NCOR2: variants seen among roughly 807,000 people sequenced by gnomAD.
NCOR2 encodes nuclear receptor corepressor 2.
A neutral mutation model predicts 262.9 loss-of-function variants in NCOR2; 81 were observed. That is an observed-to-expected ratio of 0.31 (90% CI 0.26 to 0.37). The LOEUF (loss-of-function observed/expected upper bound fraction) is 0.37. Ranked by LOEUF, NCOR2 falls within the 10% of genes least tolerant of loss-of-function variation. The probability of loss-of-function intolerance (pLI) is 1.00; values close to 1 mark genes in which losing one functional copy is unlikely to be tolerated. For synonymous variants in NCOR2, 1,659 were observed against 1,559.3 expected (o/e 1.06, Z -1.51); for missense variants, 3,385 against 3,621.4 (o/e 0.93, Z 1.68).
chr12:124,441,893 A>C (rs1378007634), intron 7 of NCOR2, among the ~76,000 whole-genome samples: 1 of 152,220 alleles, frequency 6.6e-6, no homozygotes, highest in Non-Finnish European at 1.5e-5. Context: ...AGGAGGAAAC[A>C]CCTGTCAAAG....
rs536463466 is a variant in NCOR2, at chr12:124,428,100, T to A, written c.1150-1300A>T. ...GTGTGTGTGTGTGTACATGCAACAA[T>A]CAGCCCAGGTGCCACACCCTTGGCC... On this transcript the variant is annotated intron_variant, in intron 10 of 46. Coordinates refer to ENST00000405201, the Ensembl canonical transcript of NCOR2. 4.7e-5 allele frequency among the ~76,000 whole-genome samples: 7 copies of A among 148,192 alleles called. No individual in the cohort carries two copies. In the South Asian group the frequency reaches 1.3e-3, roughly 28 times the overall value.
intron 1 of NCOR2, among the ~76,000 whole-genome samples, chr12:124,512,804 T>C (rs759134898): frequency 1.2e-4 from 18 of 152,178 alleles, no homozygotes; most frequent in Non-Finnish European, 2.4e-4. Flanking sequence ...CCGCTGGGTA[T>C]TGGCCTCCCT....
At chr12:124,391,075 C>T (rs1014919324) in intron 16 of NCOR2, among the ~76,000 whole-genome samples, 4 of 152,254 alleles carry the variant, frequency 2.6e-5, no homozygotes, top group African/African-American at 9.6e-5. Context: ...GACTCAGCCT[C>T]CTCGGCTCAG....
rs771757489 is a variant in NCOR2, at chr12:124,327,640, G to C, written c.6959-7C>G. ...CTTCTATAGGTCATAAGGCCTGGGA[G>C]AGAGAGACAGACAGACAGACAGACA... On this transcript the variant is annotated splice_region_variant and splice_polypyrimidine_tract_variant and intron_variant, in intron 44 of 46. Coordinates refer to ENST00000405201, the Ensembl canonical transcript of NCOR2. 3 of 1,599,362 alleles carry C rather than the reference G, an allele frequency of 1.9e-6. No homozygotes were observed. The highest frequency in any genetic ancestry group is 2.5e-6 in the Non-Finnish European group (3 of 1,176,838).
intron 16 of NCOR2, among the ~76,000 whole-genome samples, chr12:124,388,506 C>T (rs1055197749): frequency 1.3e-5 from 2 of 152,178 alleles, no homozygotes; most frequent in African/African-American, 4.8e-5. Flanking sequence ...AGAGCTTCAG[C>T]CCAGCAGGGA....
chr12:124,443,797 G>A lies in NCOR2; in HGVS notation c.816-5801C>T, dbSNP rs922084103. Among the ~76,000 whole-genome samples the A allele has an allele frequency of 2.6e-5, 4 of 152,130 alleles. No homozygotes were observed. Among genetic ancestry groups the A allele is most frequent in the African/African-American group, 7.2e-5 (3 of 41,418 alleles). On this transcript the variant is annotated intron_variant, in intron 7 of 46. Coordinates refer to ENST00000405201, the Ensembl canonical transcript of NCOR2. The surrounding 1 kb of genome is among the most constrained non-coding windows in gnomAD (Gnocchi z 4.4). Reference sequence around the variant, plus strand: ...ATTACAGGTGTGAGCCACCGCACCCGGCTGGTGCTTTCTAAAATCCTAAAT... The same window carrying A: ...ATTACAGGTGTGAGCCACCGCACCCAGCTGGTGCTTTCTAAAATCCTAAAT...
At chr12:124,426,539 T>C (rs1482653590) in intron 11 of NCOR2, 83 bp downstream of exon 13, 4 of 1,336,380 alleles carry the variant, frequency 3.0e-6, no homozygotes, top group Non-Finnish European at 4.0e-6. Flanking sequence ...TGCTCATTTG[T>C]GGTGGCTGCC....
chr12:124,411,460 G>C (rs770471657), intron 13 of NCOR2, among the ~76,000 whole-genome samples: 9 of 152,280 alleles, frequency 5.9e-5, no homozygotes, highest in East Asian at 1.9e-4. Flanking sequence ...AGCCCAGGAC[G>C]GGCTGTTCCC....
intron 11 of NCOR2, among the ~76,000 whole-genome samples, chr12:124,423,750 G>A (rs1193664175): frequency 6.6e-6 from 1 of 152,206 alleles, no homozygotes; most frequent in African/African-American, 2.4e-5. Flanking sequence ...GAATCTCCTA[G>A]GTCCCCTGTT....
At chr12:124,516,109 GA>G (rs2049753598) in intron 1 of NCOR2, among the ~76,000 whole-genome samples, 2 of 152,246 alleles carry the variant, frequency 1.3e-5, no homozygotes, top group African/African-American at 4.8e-5. Flanking sequence ...GAGGCCCCAT[GA>G]CAATGAGACA....
At chr12:124,353,315 G>C (rs148533309) in intron 27 of NCOR2, among the ~76,000 whole-genome samples, 1 of 152,234 alleles carries the variant, frequency 6.6e-6, no homozygotes, top group African/African-American at 2.4e-5. Flanking sequence ...CCCTCAGCCT[G>C]ACTTTTGTCC....
At chr12:124,388,593 A>G in intron 16 of NCOR2, 1 of 1,253,402 alleles carries the variant, frequency 8.0e-7, no homozygotes, top group African/African-American at 1.5e-5. Context: ...CCGACTCCCC[A>G]GCTGCCCAGC....
intron 14 of NCOR2, among the ~76,000 whole-genome samples, chr12:124,400,909 C>T (rs148868632): frequency 8.5e-5 from 13 of 152,286 alleles, no homozygotes; most frequent in African/African-American, 2.9e-4. Flanking sequence ...TGCTATTTCT[C>T]AAAAGGGAGT....
intron 5 of NCOR2, among the ~76,000 whole-genome samples, chr12:124,463,171 G>GT (rs1399315417): frequency 6.6e-6 from 1 of 152,224 alleles, no homozygotes; most frequent in Non-Finnish European, 1.5e-5. Flanking sequence ...CTGCCTCTGT[G>GT]TATGTTTTAT....
intron 3 of NCOR2, among the ~76,000 whole-genome samples, chr12:124,475,270 C>T (rs1170713552): frequency 6.6e-6 from 1 of 152,172 alleles, no homozygotes; most frequent in African/African-American, 2.4e-5. Context: ...CCACCTCCCC[C>T]AGGGACACCT....
rs751232785 is a variant in NCOR2 at position 124,355,409 on chromosome 12, A to G, written c.3381+23T>C. On this transcript the variant is annotated intron_variant, in intron 24 of 46. Transcript: ENST00000405201. Reference sequence around the variant, plus strand: ...TACAGATAAGAAGACTAAGCCCCCAAGAAAGGAAGGGCTACCACTCACTTG... The same window carrying G: ...TACAGATAAGAAGACTAAGCCCCCAGGAAAGGAAGGGCTACCACTCACTTG... 6.2e-6 allele frequency: 10 copies of G among 1,612,218 alleles called. No homozygotes were observed. The Admixed American group carries it at 1.0e-4, about 16-fold the overall frequency.
chr12:124,415,414 G>A (rs1297141735), intron 13 of NCOR2, among the ~76,000 whole-genome samples: 1 of 152,236 alleles, frequency 6.6e-6, no homozygotes, highest in Non-Finnish European at 1.5e-5. Context: ...TGAAGCTGCC[G>A]CTGATTTTCC....
intron 9 of NCOR2, among the ~76,000 whole-genome samples, chr12:124,430,161 G>A (rs1451407539): frequency 2.6e-5 from 4 of 152,144 alleles, no homozygotes; most frequent in Non-Finnish European, 4.4e-5. Context: ...CCAATGAATC[G>A]CCTTATCTGT....
chr12:124,466,432 C>CT, intron 4 of NCOR2, 146 bp from the exon 7 acceptor site: 1 of 662,670 alleles, frequency 1.5e-6, no homozygotes. Flanking sequence ...CTGTGAGTCA[C>CT]CCCAGGGACT....
Sources: gnomAD v4.1 joint callset for allele counts (sites outside exome capture counted in the v4.1 genomes callset) on GRCh38, gnomAD v4.1.1 for gene constraint, Gnocchi (gnomAD v3.1) non-coding constraint, MANE v1.5 for transcripts, NCBI Gene and HGNC (gene_info 2026-07-23, HGNC 2026-07-21) for gene names.